Variants in GABRR1 observed in about 807,000 individuals in gnomAD.
GABRR1 encodes gamma-aminobutyric acid type A receptor subunit rho1, also known as gamma-aminobutyric acid receptor subunit rho-1.
Under a neutral mutation model 55.5 loss-of-function variants are expected in GABRR1, and 59 were observed. That is an observed-to-expected ratio of 1.06 (90% CI 0.86 to 1.32). The LOEUF (loss-of-function observed/expected upper bound fraction) is 1.32, where lower values mean the gene tolerates loss of function less well. GABRR1 is among the 40% of genes most tolerant of loss of function. The probability of loss-of-function intolerance (pLI) is 0.00; values close to 1 mark genes in which losing one functional copy is unlikely to be tolerated. For missense variants in GABRR1, 602 were observed against 619.1 expected, an observed-to-expected ratio of 0.97 and a Z score of 0.29; for synonymous variants, 213 against 226.0, an observed-to-expected ratio of 0.94 and a Z score of 0.51.
intron 1 of GABRR1, among the ~76,000 whole-genome samples, chr6:89,204,313 C>T (rs570928857): frequency 6.6e-6 from 1 of 152,328 alleles, no homozygotes; most frequent in African/African-American, 2.4e-5. Context: ...GGAGCAGAGA[C>T]AGGTGTGCGC....
Position 89,178,526 on chromosome 6 carries a change from G to A in GABRR1, c.*244C>T. 4.0e-6 allele frequency: 2 copies of A among 503,578 alleles called. No individual in the cohort carries two copies. The highest frequency in any genetic ancestry group is 2.2e-5 in the South Asian group (1 of 44,896). 31.2% of individuals were successfully genotyped at this position (503,578 alleles called of 1,614,324 possible). On this transcript the variant is annotated 3_prime_UTR_variant, in exon 10 of 10. Transcript: ENST00000454853. ...ATCTGGGTAACAACTAACATCAGTC[G>A]CTACAGTGTCGTATTTCCTGCAGCA...
intron 9 of GABRR1, among the ~76,000 whole-genome samples, chr6:89,179,706 G>A (rs1321322911): frequency 6.6e-6 from 1 of 152,172 alleles, no homozygotes; most frequent in Admixed American, 6.5e-5. Context: ...GTGCATGAAC[G>A]TGTGCATTTG....
At chr6:89,180,246 T>C (rs764655922) in intron 9 of GABRR1, 46 bp downstream of exon 9, 1 of 1,577,710 alleles carries the variant, frequency 6.3e-7, no homozygotes, top group East Asian at 2.2e-5. Context: ...CAGAGCTAGA[T>C]CAGGTTCCAT....
chr6:89,181,490 A>G lies in GABRR1; in HGVS notation c.949+415T>C, dbSNP rs115627445. Among the ~76,000 whole-genome samples the G allele has an allele frequency of 6.0e-3, 907 of 152,316 alleles. 7 individuals are homozygous for G. The highest frequency in any genetic ancestry group is 0.021 in the African/African-American group (879 of 41,574). On this transcript the variant is annotated intron_variant, in intron 8 of 9. Coordinates refer to ENST00000454853, the MANE Select transcript of GABRR1 (RefSeq NM_002042.5). ...TCCTGGTCCTCCCTCAGAGATTCTCATTCTATAGATGCAGATGAGACCCAG... is the reference window on the plus strand; with the variant it reads ...TCCTGGTCCTCCCTCAGAGATTCTCGTTCTATAGATGCAGATGAGACCCAG...
Position 89,203,416 on chromosome 6 carries a change from C to CAG in GABRR1, c.173+18_173+19insCT, listed in dbSNP as rs1348844779. 1 of 1,608,046 alleles carries CAG rather than the reference C, an allele frequency of 6.2e-7. No individual in the cohort carries two copies. The highest frequency in any genetic ancestry group is 1.3e-5 in the African/African-American group (1 of 74,774). On this transcript the variant is annotated intron_variant, in intron 2 of 9. Transcript: ENST00000454853. ...GAGGAAACATCTGCAGAACAGTGTG[C>CAG]ACGTGCTTATGGCCATACCTGACTT... is the stretch of plus-strand genomic sequence containing the variant.
At chr6:89,186,058 C>A (rs1168722826) in intron 6 of GABRR1, among the ~76,000 whole-genome samples, 1 of 152,234 alleles carries the variant, frequency 6.6e-6, no homozygotes, top group African/African-American at 2.4e-5. Context: ...CCCTCACCTG[C>A]TTCTGGTGAA....
chr6:89,217,521 T>G (rs369822435), upstream of GABRR1: 1 of 487,224 alleles, frequency 2.1e-6, no homozygotes, highest in East Asian at 3.4e-5. Flanking sequence ...CTACGTCAGA[T>G]GTCAGGGATT....
rs1582377084 is a variant in GABRR1 at position 89,185,296 on chromosome 6, C to T, written c.796+14G>A. The T allele has an allele frequency of 6.2e-7, 1 of 1,611,712 alleles. No homozygotes were observed. Among genetic ancestry groups the T allele is most frequent in the Non-Finnish European group, 8.5e-7 (1 of 1,179,126 alleles). On this transcript the variant is annotated intron_variant, in intron 7 of 9. Coordinates refer to ENST00000454853, the MANE Select transcript of GABRR1 (RefSeq NM_002042.5). Reference sequence around the variant, plus strand: ...GAAGCCTGCCCTGACTCTCAGCCCTCACTCTACACTTACCTGTGCTGCTGT... The same window carrying T: ...GAAGCCTGCCCTGACTCTCAGCCCTTACTCTACACTTACCTGTGCTGCTGT...
upstream of GABRR1, among the ~76,000 whole-genome samples, chr6:89,218,413 GAAGCC>G (rs773706533): frequency 1.8e-3 from 269 of 152,332 alleles, 1 homozygote; most frequent in Non-Finnish European, 3.4e-3. Context: ...CAGATCGTAA[GAAGCC>G]TTTTCTTTCT....
chr6:89,217,508 C>T (rs940606459), upstream of GABRR1: 1 of 538,092 alleles, frequency 1.9e-6, no homozygotes, highest in Non-Finnish European at 3.2e-6. Flanking sequence ...CCTATAAATC[C>T]TCCTACGTCA....
At chr6:89,190,020 CA>C (rs1203049257) in intron 6 of GABRR1, 144 bp downstream of exon 6, 1 of 450,340 alleles carries the variant, frequency 2.2e-6, no homozygotes, top group Non-Finnish European at 3.8e-6. Flanking sequence ...CATTCCAGCC[CA>C]GGCGACAGTG....
intron 1 of GABRR1, among the ~76,000 whole-genome samples, chr6:89,230,874 T>C (rs1166965003): frequency 6.7e-6 from 1 of 149,820 alleles, no homozygotes; most frequent in Non-Finnish European, 1.5e-5. Flanking sequence ...CGCTGCCGCC[T>C]TGCAGTTTGA....
chr6:89,217,583 G>A (rs772898474), upstream of GABRR1: 4 of 340,920 alleles, frequency 1.2e-5, no homozygotes, highest in East Asian at 1.0e-4. Flanking sequence ...TATTTTAGCC[G>A]GTCTAAATTA....
chr6:89,179,408 C>T (rs150682168), intron 9 of GABRR1, among the ~76,000 whole-genome samples: 3 of 152,174 alleles, frequency 2.0e-5, no homozygotes, highest in Non-Finnish European at 4.4e-5. Flanking sequence ...TTAGTAGAGA[C>T]GAGGTTTCAT....
chr6:89,223,385 C>A (rs1050497061), intron 1 of GABRR1, among the ~76,000 whole-genome samples: 1 of 152,142 alleles, frequency 6.6e-6, no homozygotes, highest in Non-Finnish European at 1.5e-5. Flanking sequence ...TAATTCATTC[C>A]TTTTTATGGC....
At position 89,199,406 on chromosome 6, in the gene GABRR1, C is replaced by T; in HGVS notation, c.304G>A (p.Asp102Asn). 1.2e-6 allele frequency: 2 copies of T among 1,614,044 alleles called. No homozygotes were observed. The highest frequency in any genetic ancestry group is 8.5e-7 in the Non-Finnish European group (1 of 1,179,954). The change falls in exon 4 of 10, where the codon GAT (aspartate) becomes AAT (asparagine). Residue 102 changes from aspartate to asparagine, a missense_variant. By Grantham distance (23) the Asp-to-Asn change is conservative. This residue lies in a region of GABRR1 where 435 missense variants were observed against 424.2 expected (regional missense o/e 1.03). Transcript: ENST00000454853. ...FGGPAIPVGV[D>N]VQVESLDSIS... ...CTATCCAAACTCTCCACCTGCACAT[C>T]CACACCAACAGGAATGGCAGGGCCT...
chr6:89,185,264 C>A lies in GABRR1; in HGVS notation c.796+46G>T, dbSNP rs370390001. On this transcript the variant is annotated intron_variant, in intron 7 of 9. Coordinates refer to ENST00000454853, the MANE Select transcript of GABRR1 (RefSeq NM_002042.5). The stretch of plus-strand genomic sequence containing the variant: ...TATAATAGAGGGTGAACCTTGGAGA[C>A]CAAGCTGAAGCCTGCCCTGACTCTC... 21 of 1,612,710 alleles carry A rather than the reference C, an allele frequency of 1.3e-5. No individual in the cohort carries two copies. The African/African-American group carries it at 2.8e-4, about 22-fold the overall frequency.
At chr6:89,230,857 C>G (rs1277961419) in intron 1 of GABRR1, among the ~76,000 whole-genome samples, 1 of 149,744 alleles carries the variant, frequency 6.7e-6, no homozygotes, top group Non-Finnish European at 1.5e-5. Flanking sequence ...CACCCCTCCC[C>G]CAGCCTCGCT....
At chr6:89,184,885 C>CTTTTTT (rs754802888) in intron 7 of GABRR1, among the ~76,000 whole-genome samples, 2 of 123,734 alleles carry the variant, frequency 1.6e-5, no homozygotes, top group Admixed American at 8.7e-5. Flanking sequence ...TCTTTTCTTT[C>CTTTTTT]TTTTTTTTTT....
Sources: gnomAD v4.1 joint callset for allele counts (sites outside exome capture counted in the v4.1 genomes callset) on GRCh38, gnomAD v4.1.1 for gene constraint, gnomAD v4.1.1 regional missense constraint, MANE v1.5 for transcripts, NCBI Gene and HGNC (gene_info 2026-07-23, HGNC 2026-07-21) for gene names.